Variants in FAM13A observed in about 807,000 individuals in gnomAD.
FAM13A encodes the protein protein FAM13A.
Under a neutral mutation model 129.6 loss-of-function variants are expected in FAM13A, and 76 were observed. The ratio of observed to expected loss-of-function variants is 0.59; its 90% CI spans 0.49 to 0.71. The LOEUF (loss-of-function observed/expected upper bound fraction) is 0.71. FAM13A is among the 30% of genes least tolerant of loss of function. FAM13A has a pLI of 0.00. For missense variants in FAM13A, 1,108 were observed against 1,249.3 expected (o/e 0.89, Z 1.70); for synonymous variants, 443 against 449.9 (o/e 0.98, Z 0.20).
intron 4 of FAM13A, among the ~76,000 whole-genome samples, chr4:88,942,897 T>C (rs1755021120): frequency 6.6e-6 from 1 of 152,204 alleles, no homozygotes; most frequent in Non-Finnish European, 1.5e-5. Context: ...TTAGTATTTA[T>C]CTGCTCTTAG....
intron 7 of FAM13A, among the ~76,000 whole-genome samples, chr4:88,845,184 A>G (rs1366006260): frequency 1.6e-5 from 2 of 128,006 alleles, no homozygotes; most frequent in African/African-American, 3.7e-5. Context: ...GGAGACATTG[A>G]AAAAAAAACA....
chr4:88,913,406 AAGT>A (rs1482322468), intron 5 of FAM13A, among the ~76,000 whole-genome samples: 5 of 140,272 alleles, frequency 3.6e-5, no homozygotes, highest in Non-Finnish European at 6.4e-5. Context: ...AAAGAAGAAG[AAGT>A]AGTAGAAGTA....
chr4:88,964,014 C>A (rs564371886), intron 4 of FAM13A, among the ~76,000 whole-genome samples: 1 of 152,146 alleles, frequency 6.6e-6, no homozygotes, highest in South Asian at 2.1e-4. Context: ...ACTCCCCATG[C>A]GCCAAAAAAC....
chr4:88,839,049 C>T (rs1257052485), intron 7 of FAM13A, among the ~76,000 whole-genome samples: 2 of 151,844 alleles, frequency 1.3e-5, no homozygotes, highest in African/African-American at 2.4e-5. Context: ...AATGCAAATA[C>T]TCTTATCATC....
intron 3 of FAM13A, among the ~76,000 whole-genome samples, chr4:89,020,186 T>G (rs1340785348): frequency 6.6e-6 from 1 of 151,970 alleles, no homozygotes; most frequent in African/African-American, 2.4e-5. Flanking sequence ...AACAAGGTGG[T>G]GGTTATGGAA....
intron 4 of FAM13A, among the ~76,000 whole-genome samples, chr4:88,944,595 T>C (rs1474129385): frequency 3.3e-5 from 5 of 151,998 alleles, no homozygotes; most frequent in Non-Finnish European, 5.9e-5. Flanking sequence ...TTCCTAGAGT[T>C]AAGATGCTTT....
At chr4:88,942,589 A>T (rs1754955867) in intron 4 of FAM13A, among the ~76,000 whole-genome samples, 1 of 134,298 alleles carries the variant, frequency 7.4e-6, no homozygotes, top group African/African-American at 2.7e-5. Context: ...AATAAATAGA[A>T]ATGTAAAAAA....
In FAM13A at chr4:88,786,784, GT is replaced by G. The variant is rs1189167069; in HGVS notation, c.1271+968del. 5.3e-5 allele frequency among the ~76,000 whole-genome samples: 8 copies of G among 151,774 alleles called. No homozygotes were observed. The East Asian group carries it at 1.2e-3, about 22-fold the overall frequency. ...TATGTTTTTCTTTAAGCGAAAAAAA[GT>G]TTTTTTTCTTTTTCCATAAAGGGTT... is the stretch of plus-strand genomic sequence containing the variant. On this transcript the variant is annotated intron_variant, in intron 10 of 23. Transcript: ENST00000264344.
intron 3 of FAM13A, among the ~76,000 whole-genome samples, chr4:89,009,740 G>A (rs1021450181): frequency 2.6e-5 from 4 of 152,252 alleles, no homozygotes; most frequent in South Asian, 4.2e-4. Flanking sequence ...TTAATATCAA[G>A]AGGAAGAAGA....
chr4:88,731,141 C>G (rs919911117), intron 23 of FAM13A, among the ~76,000 whole-genome samples, 186 bp downstream of exon 23: 13 of 152,164 alleles, frequency 8.5e-5, no homozygotes, highest in African/African-American at 2.9e-4. Context: ...GAGGTCCACA[C>G]AAATCCCATC....
At chr4:89,005,201 A>G (rs1001334330) in intron 3 of FAM13A, among the ~76,000 whole-genome samples, 1 of 152,228 alleles carries the variant, frequency 6.6e-6, no homozygotes, top group Non-Finnish European at 1.5e-5. Flanking sequence ...TTTGCTAAGG[A>G]TAATAGCCTC....
chr4:88,851,191 A>G lies in FAM13A; in HGVS notation c.844-8T>C, dbSNP rs755097780. 1 of 1,389,368 alleles carries G rather than the reference A, an allele frequency of 7.2e-7. No individual in the cohort carries two copies. Among genetic ancestry groups the G allele is most frequent in the Non-Finnish European group, 9.7e-7 (1 of 1,029,166 alleles). The allele number at this position is 1,389,368 out of a possible 1,614,324, so 86.1% of individuals were successfully genotyped here. On this transcript the variant is annotated splice_polypyrimidine_tract_variant and splice_region_variant and intron_variant, in intron 6 of 23. Transcript: ENST00000264344. ...ACTCCTGGATTTTGGGATCTAGAAG[A>G]AAAAAAAAAGAGGGGTGGGGGAGAG...
intron 10 of FAM13A, among the ~76,000 whole-genome samples, chr4:88,783,444 CAT>C (rs1723348011): frequency 1.3e-5 from 2 of 152,082 alleles, no homozygotes; most frequent in East Asian, 1.9e-4. Context: ...GGACTACAGG[CAT>C]GCGCCACCAC....
At chr4:88,940,721 G>C (rs1157679694) in intron 4 of FAM13A, among the ~76,000 whole-genome samples, 3 of 152,120 alleles carry the variant, frequency 2.0e-5, no homozygotes, top group Non-Finnish European at 2.9e-5. Flanking sequence ...AGTGATGAAG[G>C]GTGTGCCTCA....
intron 6 of FAM13A, among the ~76,000 whole-genome samples, chr4:88,870,625 G>A (rs886814378): frequency 1.4e-4 from 22 of 152,200 alleles, no homozygotes; most frequent in Admixed American, 5.9e-4. Context: ...TAAACAAAGC[G>A]GCCAGGAAGC....
chr4:89,005,220 T>C (rs78246442), intron 3 of FAM13A, among the ~76,000 whole-genome samples: 2,687 of 152,312 alleles, frequency 0.018, 75 homozygotes, highest in African/African-American at 0.059. Context: ...TCTAGCTCCA[T>C]CCATGTTCCC....
intron 3 of FAM13A, among the ~76,000 whole-genome samples, chr4:88,994,981 C>T (rs1052975466): frequency 1.3e-5 from 2 of 152,086 alleles, no homozygotes; most frequent in African/African-American, 4.8e-5. Context: ...TAAGGTCTCA[C>T]ATTATAAAAG....
At position 88,747,693 on chromosome 4, in the gene FAM13A, C is replaced by G; in HGVS notation, c.2320G>C (p.Glu774Gln). 6.2e-7 allele frequency: 1 copy of G among 1,614,204 alleles called. No individual in the cohort carries two copies. The highest frequency in any genetic ancestry group is 1.3e-5 in the African/African-American group (1 of 75,046). Reference protein sequence around the residue: ...AIKPSVEATLESIQRKLQEKR... With the variant: ...AIKPSVEATLQSIQRKLQEKR... ...TCCTGGAGCTTCCTCTGAATAGATT[C>G]CAATGTGGCTTCAACACTGGGCTTT... is the stretch of plus-strand genomic sequence containing the variant. The change falls in exon 18 of 24, where the codon GAA (glutamate) becomes CAA (glutamine). Residue 774 changes from glutamate to glutamine, a missense_variant. This residue lies in a region of FAM13A where 529 missense variants were observed against 621.2 expected (regional missense o/e 0.85). Transcript: ENST00000264344.
At chr4:88,854,917 C>T (rs1052718752) in intron 6 of FAM13A, among the ~76,000 whole-genome samples, 1 of 152,170 alleles carries the variant, frequency 6.6e-6, no homozygotes, top group South Asian at 2.1e-4. Context: ...TTACTGAGCA[C>T]TTATTCTGTG....
Sources: gnomAD v4.1 joint callset for allele counts (sites outside exome capture counted in the v4.1 genomes callset) on GRCh38, gnomAD v4.1.1 for gene constraint, gnomAD v4.1.1 regional missense constraint, MANE v1.5 for transcripts, NCBI Gene and HGNC (gene_info 2026-07-23, HGNC 2026-07-21) for gene names.